The following MYO18B variants were observed in gnomAD, a reference collection of about 807,000 sequenced individuals.
MYO18B encodes myosin XVIIIB, also known as unconventional myosin-XVIIIb.
Under a neutral mutation model 273.0 loss-of-function variants are expected in MYO18B, and 204 were observed. The ratio of observed to expected loss-of-function variants is 0.75; its 90% confidence interval spans 0.67 to 0.84. The LOEUF is 0.84. MYO18B is among the 40% of genes least tolerant of loss of function. The probability of loss-of-function intolerance (pLI) is 0.00; values close to 1 mark genes in which losing one functional copy is unlikely to be tolerated. For missense variants in MYO18B, 3,212 were observed against 3,287.6 expected (o/e 0.98, Z 0.56); for synonymous variants, 1,330 against 1,305.7 (o/e 1.02, Z -0.40).
At chr22:25,820,820 C>T (rs140591734) in intron 12 of MYO18B, among the ~76,000 whole-genome samples, 17 of 152,242 alleles carry the variant, frequency 1.1e-4, no homozygotes, top group East Asian at 9.7e-4. Flanking sequence ...TCTCCCTATC[C>T]GCCCACTTAC....
chr22:25,800,193 TAAG>T (rs1212177068), intron 12 of MYO18B, among the ~76,000 whole-genome samples: 1 of 151,134 alleles, frequency 6.6e-6, no homozygotes, highest in Admixed American at 6.6e-5. Context: ...AGGGGGAGGT[TAAG>T]AGGGGGTGAA....
chr22:25,957,642 G>A (rs1020798518), intron 39 of MYO18B, among the ~76,000 whole-genome samples: 1 of 152,136 alleles, frequency 6.6e-6, no homozygotes, highest in Non-Finnish European at 1.5e-5. Flanking sequence ...TGAAATCAAG[G>A]TGTGAACAGG....
intron 2 of MYO18B, among the ~76,000 whole-genome samples, chr22:25,762,058 C>T (rs867530712): frequency 6.6e-6 from 1 of 151,604 alleles, no homozygotes; most frequent in African/African-American, 2.4e-5. Context: ...GAGCCAAGAT[C>T]GCGCCATTGC....
At chr22:25,745,502 C>A (rs1188902637) in intron 1 of MYO18B, among the ~76,000 whole-genome samples, 1 of 150,514 alleles carries the variant, frequency 6.6e-6, no homozygotes, top group Non-Finnish European at 1.5e-5. Context: ...CACACACACA[C>A]GCACACACAT....
intron 33 of MYO18B, among the ~76,000 whole-genome samples, chr22:25,919,971 T>C (rs1391638010): frequency 1.3e-5 from 2 of 151,394 alleles, no homozygotes; most frequent in African/African-American, 4.9e-5. Context: ...GATAGGGTGT[T>C]TTTTTTAACC....
the MYO18B span, among the ~76,000 whole-genome samples, chr22:26,045,252 A>G: frequency 1.8e-4 from 27 of 152,176 alleles, no homozygotes; most frequent in Admixed American, 2.6e-4. Flanking sequence ...GAGTCACTTC[A>G]GATATCCTAG....
chr22:25,903,928 C>A, intron 31 of MYO18B, 97 bp downstream of exon 31: 2 of 1,321,140 alleles, frequency 1.5e-6, no homozygotes. Flanking sequence ...TTGGCTGCTC[C>A]TCATCCTTCA....
Position 25,797,957 on chromosome 22 carries a change from A to G in MYO18B, c.2381A>G (p.Glu794Gly). 1 of 1,614,006 alleles carries G rather than the reference A, an allele frequency of 6.2e-7. No individual in the cohort carries two copies. ...CCTCTCTCCCTTTGCCCGCAGCCTGAAGATAAACAGAAGGCGGCAGCTGCC... is the reference window on the plus strand; with the variant it reads ...CCTCTCTCCCTTTGCCCGCAGCCTGGAGATAAACAGAAGGCGGCAGCTGCC... ...SFGMGVWSKP[E>G]DKQKAAAAFA... is the part of the protein sequence containing the mutation. Residue 794 changes from glutamate to glycine, a missense_variant, in exon 12 of 44, where the codon GAA becomes GGA. Coordinates refer to ENST00000335473, the MANE Select transcript of MYO18B (RefSeq NM_032608.7).
intron 39 of MYO18B, among the ~76,000 whole-genome samples, chr22:25,990,077 C>A (rs956563677): frequency 1.3e-5 from 2 of 152,242 alleles, no homozygotes; most frequent in Non-Finnish European, 2.9e-5. Flanking sequence ...GCCACCCCTT[C>A]TCCCTCTCAT....
intron 1 of MYO18B, among the ~76,000 whole-genome samples, chr22:25,749,997 A>G (rs2085888459): frequency 6.6e-6 from 1 of 152,184 alleles, no homozygotes; most frequent in Admixed American, 6.5e-5. Flanking sequence ...GTGAGCCGCA[A>G]GGGTGGAGCT....
At chr22:25,924,172 CAAAT>C (rs1456415336) in intron 34 of MYO18B, among the ~76,000 whole-genome samples, 3 of 152,202 alleles carry the variant, frequency 2.0e-5, no homozygotes, top group Admixed American at 1.3e-4. Context: ...CAGAGCTAAT[CAAAT>C]AAAGCAGTGA....
At chr22:26,047,821 G>C in the MYO18B span, among the ~76,000 whole-genome samples, 10 of 151,826 alleles carry the variant, frequency 6.6e-5, no homozygotes, top group South Asian at 2.1e-4. Context: ...AACCTATTCT[G>C]GCTTGCATTC....
chr22:25,768,101 G>C lies in MYO18B; in HGVS notation c.199-14G>C. ...CAAGCAGCTATGTAGGCATGGTTGT[G>C]TTCTTTCTCCCAGATCCCAGAAATT... On this transcript the variant is annotated splice_polypyrimidine_tract_variant and intron_variant, in intron 3 of 43. Coordinates refer to ENST00000335473, the MANE Select transcript of MYO18B (RefSeq NM_032608.7). 6.3e-7 allele frequency: 1 copy of C among 1,575,634 alleles called. No individual in the cohort carries two copies. The highest frequency in any genetic ancestry group is 8.6e-7 in the Non-Finnish European group (1 of 1,160,526).
chr22:25,804,128 G>A (rs1206827650), intron 12 of MYO18B, among the ~76,000 whole-genome samples: 2 of 152,112 alleles, frequency 1.3e-5, no homozygotes, highest in East Asian at 3.8e-4. Flanking sequence ...AACTCACCGT[G>A]GTAAATCCAC....
At chr22:25,954,420 G>A (rs59014265) in intron 38 of MYO18B, among the ~76,000 whole-genome samples, 8,157 of 151,374 alleles carry the variant, frequency 0.054, 647 homozygotes, top group African/African-American at 0.18. Flanking sequence ...CCAGCCCCTC[G>A]AGATAAATAG....
intron 42 of MYO18B, among the ~76,000 whole-genome samples, chr22:26,025,168 C>G (rs1395473477): frequency 6.6e-6 from 1 of 152,218 alleles, no homozygotes; most frequent in African/African-American, 2.4e-5. Flanking sequence ...CAGCCCCCAC[C>G]TATTTCCCTG....
chr22:26,048,831 T>C, the MYO18B span, among the ~76,000 whole-genome samples: 1 of 152,180 alleles, frequency 6.6e-6, no homozygotes. Context: ...CTGGGTTGAA[T>C]GGTACCTCTG....
intron 14 of MYO18B, among the ~76,000 whole-genome samples, chr22:25,828,427 G>T (rs1025625731): frequency 6.6e-6 from 1 of 151,900 alleles, no homozygotes; most frequent in Non-Finnish European, 1.5e-5. Flanking sequence ...ATAGTTTTTT[G>T]ATTTTAATAG....
At chr22:25,823,364 TG>T in intron 12 of MYO18B, 140 bp from the exon 13 acceptor site, 1 of 856,812 alleles carries the variant, frequency 1.2e-6, no homozygotes, top group African/African-American at 1.7e-5. Flanking sequence ...GGCCCAGGCC[TG>T]GGCAGTTGTC....
Sources: gnomAD v4.1 joint callset for allele counts (sites outside exome capture counted in the v4.1 genomes callset) on GRCh38, gnomAD v4.1.1 for gene constraint, MANE v1.5 for transcripts, NCBI Gene and HGNC (gene_info 2026-07-23, HGNC 2026-07-21) for gene names.